The following IL16 variants were observed in gnomAD, a reference collection of about 807,000 sequenced individuals.
IL16 encodes the protein interleukin 16.
Under a neutral mutation model 110.1 loss-of-function variants are expected in IL16, and 67 were observed. That is an observed-to-expected ratio of 0.61 (90% CI 0.50 to 0.75). The LOEUF (loss-of-function observed/expected upper bound fraction) is 0.75, where lower values mean the gene tolerates loss of function less well. Among genes scored for constraint, IL16 ranks in the 30% least tolerant of loss-of-function variants. The pLI is 0.00. For synonymous variants in IL16, 689 were observed against 662.9 expected, an observed-to-expected ratio of 1.04 and a Z score of -0.61; for missense variants, 1,545 against 1,655.0, an observed-to-expected ratio of 0.93 and a Z score of 1.15.
At chr15:81,230,591 G>A (rs1440537239) in intron 2 of IL16, among the ~76,000 whole-genome samples, 1 of 152,146 alleles carries the variant, frequency 6.6e-6, no homozygotes, top group African/African-American at 2.4e-5. Flanking sequence ...AACCTGAATG[G>A]CATTCCTTGC....
At chr15:81,182,896 G>A (rs1895364861) in exon 1 of IL16, 1 of 1,288,748 alleles carries the variant, frequency 7.8e-7, no homozygotes, top group Non-Finnish European at 1.0e-6. Context: ...AAGGCAGAAC[G>A]GTGAGTGGAG....
chr15:81,275,253 G>GACATCC (rs1339213414), intron 6 of IL16, among the ~76,000 whole-genome samples: 2 of 150,784 alleles, frequency 1.3e-5, no homozygotes, highest in Non-Finnish European at 3.0e-5. Context: ...GCAGGGAAAT[G>GACATCC]ACATCCGTTC....
chr15:81,234,874 A>G (rs1009995277), intron 2 of IL16, among the ~76,000 whole-genome samples: 18 of 152,252 alleles, frequency 1.2e-4, no homozygotes, highest in African/African-American at 4.3e-4. Context: ...ATATACCTTG[A>G]TAAGAACTTG....
chr15:81,262,908 G>A (rs201808027), intron 3 of IL16, among the ~76,000 whole-genome samples: 2 of 152,190 alleles, frequency 1.3e-5, no homozygotes, highest in East Asian at 3.9e-4. Context: ...TCTAGCCTGG[G>A]CAACAAGAGT....
At chr15:81,201,788 A>G (rs1008049116) in intron 1 of IL16, among the ~76,000 whole-genome samples, 1 of 152,156 alleles carries the variant, frequency 6.6e-6, no homozygotes, top group African/African-American at 2.4e-5. Context: ...CTTGTTGAGT[A>G]TTCTCTCTGA....
rs142109431 is a variant in IL16, at chr15:81,312,592, C to G, written c.*3794C>G. Reference sequence around the variant, plus strand: ...ACAGATTCACACTGTCTGGTTTCACCGAGGACATGAAACTCCACCTTGCGG... The same window carrying G: ...ACAGATTCACACTGTCTGGTTTCACGGAGGACATGAAACTCCACCTTGCGG... On this transcript the variant is annotated 3_prime_UTR_variant, in exon 19 of 19. Transcript: ENST00000683961. The G allele has an allele frequency of 7.9e-5, 12 of 152,160 alleles. No individual in the cohort carries two copies. The highest frequency in any genetic ancestry group is 2.7e-4 in the African/African-American group (11 of 41,434). 9.4% of individuals were successfully genotyped at this position (152,160 alleles called of 1,614,324 possible).
intron 10 of IL16, among the ~76,000 whole-genome samples, chr15:81,288,202 A>T (rs1196210209): frequency 6.6e-6 from 1 of 152,178 alleles, no homozygotes; most frequent in African/African-American, 2.4e-5. Context: ...GCACAGGCAT[A>T]GGGCAGAGAG....
chr15:81,293,080 C>G, intron 12 of IL16, 43 bp downstream of exon 12: 1 of 1,547,322 alleles, frequency 6.5e-7, no homozygotes, highest in African/African-American at 1.4e-5. Context: ...CAGGACCAGA[C>G]TCAAATCTTG....
At position 81,290,495 on chromosome 15, in the gene IL16, G is replaced by A. The variant is rs200730945; in HGVS notation, c.1375G>A (p.Glu459Lys). The A allele has an allele frequency of 4.3e-3, 7,013 of 1,613,524 alleles. 342 individuals are homozygous for A. The South Asian group carries it at 0.073, about 17-fold the overall frequency. Residue 459 changes from glutamate to lysine, a missense_variant, in exon 11 of 19, where the codon GAA becomes AAA. Glu to Lys is a moderately conservative substitution (Grantham distance 56). Transcript: ENST00000683961. ...CAAAGAAGCTGTGGCCCAGGCTGTG[G>A]AAAACACCAAGTTTGGAAAGGAGAG... ...QLKEAVAQAV[E>K]NTKFGKERHQ...
chr15:81,240,618 G>A (rs1412946261), intron 2 of IL16, among the ~76,000 whole-genome samples: 4 of 152,054 alleles, frequency 2.6e-5, no homozygotes, highest in South Asian at 4.2e-4. Flanking sequence ...AACGTTGTAC[G>A]TATATAAACC....
At chr15:81,265,269 C>T (rs924731084) in intron 3 of IL16, among the ~76,000 whole-genome samples, 2 of 152,154 alleles carry the variant, frequency 1.3e-5, no homozygotes, top group African/African-American at 4.8e-5. Context: ...TGCTTGTCCT[C>T]GGAAACCTTT....
intron 6 of IL16, among the ~76,000 whole-genome samples, chr15:81,275,383 A>T (rs1313804548): frequency 2.7e-4 from 1 of 3,720 alleles, no homozygotes; most frequent in Non-Finnish European, 5.1e-4. Context: ...AGGGGAGGGG[A>T]GGGGAGGGGA....
chr15:81,216,646 TAGCAGCAGCAGC>T (rs6145652), intron 1 of IL16, among the ~76,000 whole-genome samples: 2 of 151,262 alleles, frequency 1.3e-5, no homozygotes, highest in Non-Finnish European at 2.9e-5. Context: ...CTGTCTGTCT[TAGCAGCAGCAGC>T]AGCAGCAGCA....
chr15:81,285,803 C>A lies in IL16; in HGVS notation c.1305C>A (p.Ile435=). The change falls in exon 10 of 19, where the codon ATC becomes ATA. Residue 435 remains isoleucine, a synonymous_variant. Transcript: ENST00000683961. The part of the protein sequence containing the change: ...LSHCDPGPVP[I]IVSRHPDPQV... The stretch of plus-strand genomic sequence containing the variant: ...ACTGTGATCCCGGTCCAGTCCCCAT[C>A]ATTGTTAGCCGACATCCAGACCCAC... 6.2e-7 allele frequency: 1 copy of A among 1,614,218 alleles called. No individual in the cohort carries two copies. The highest frequency in any genetic ancestry group is 1.1e-5 in the South Asian group (1 of 91,088).
At chr15:81,305,658 C>T (rs1020310282) in intron 16 of IL16, 3 of 548,096 alleles carry the variant, frequency 5.5e-6, no homozygotes, top group South Asian at 2.1e-5. Flanking sequence ...TGGTGGTACA[C>T]TATAGGACGT....
Position 81,297,028 on chromosome 15 carries a change from A to T in IL16, c.2003A>T (p.Gln668Leu). Residue 668 changes from glutamine to leucine, a missense_variant, in exon 13 of 19, where the codon CAG becomes CTG. Transcript: ENST00000683961. ...AGCPGPGIGP[Q>L]TKSSTEGEPG... ...TGCCCAGGACCTGGTATCGGCCCAC[A>T]GACCAAGTCCTCCACAGAGGGCGAG... is the stretch of plus-strand genomic sequence containing the variant. 31 of 1,614,006 alleles carry T rather than the reference A, an allele frequency of 1.9e-5. No individual in the cohort carries two copies. The highest frequency in any genetic ancestry group is 2.6e-5 in the Non-Finnish European group (31 of 1,179,974).
intron 9 of IL16, among the ~76,000 whole-genome samples, chr15:81,282,986 C>T (rs1449395585): frequency 6.6e-6 from 1 of 152,170 alleles, no homozygotes; most frequent in Non-Finnish European, 1.5e-5. Context: ...CAATCTGGCT[C>T]AGAGGGAGGG....
At chr15:81,201,887 C>A (rs1595940841) in intron 1 of IL16, among the ~76,000 whole-genome samples, 1 of 152,198 alleles carries the variant, frequency 6.6e-6, no homozygotes, top group Non-Finnish European at 1.5e-5. Context: ...AAAGACTTAA[C>A]CTCATTCTTC....
chr15:81,277,418 A>C (rs1898962022), intron 6 of IL16, among the ~76,000 whole-genome samples: 1 of 152,134 alleles, frequency 6.6e-6, no homozygotes, highest in South Asian at 2.1e-4. Context: ...GCAGAATATC[A>C]AAGACAAAGG....
Sources: gnomAD v4.1 joint callset for allele counts (sites outside exome capture counted in the v4.1 genomes callset) on GRCh38, gnomAD v4.1.1 for gene constraint, MANE v1.5 for transcripts, NCBI Gene and HGNC (gene_info 2026-07-23, HGNC 2026-07-21) for gene names.